The following KLHL29 variants were observed in gnomAD, a reference collection of about 807,000 sequenced individuals.
KLHL29 encodes the protein kelch like family member 29, also known as kelch-like protein 29.
In KLHL29, 21 loss-of-function variants were observed where a neutral mutation model predicts 80.4. That is an observed-to-expected ratio of 0.26 (90% confidence interval 0.19 to 0.38). The LOEUF (loss-of-function observed/expected upper bound fraction) is 0.38. Among genes scored for constraint, KLHL29 ranks in the 10% least tolerant of loss-of-function variants. The probability of loss-of-function intolerance (pLI) is 1.00; values close to 1 mark genes in which losing one functional copy is unlikely to be tolerated. For missense variants in KLHL29, 867 were observed against 1,223.9 expected, an observed-to-expected ratio of 0.71 and a Z score of 4.35; for synonymous variants, 511 against 526.8, an observed-to-expected ratio of 0.97 and a Z score of 0.41.
At chr2:23,621,505 A>G (rs897123138) in intron 3 of KLHL29, among the ~76,000 whole-genome samples, 6 of 150,988 alleles carry the variant, frequency 4.0e-5, no homozygotes, top group Admixed American at 4.0e-4. Flanking sequence ...GGAGGAGAAG[A>G]CAAGGAGGAA....
intron 2 of KLHL29, among the ~76,000 whole-genome samples, chr2:23,543,246 C>G (rs527916890): frequency 1.3e-5 from 2 of 152,254 alleles, no homozygotes; most frequent in African/African-American, 4.8e-5. Context: ...GGCAAGAACT[C>G]ATTACACGGC....
At chr2:23,438,209 G>A (rs1390266601) in intron 1 of KLHL29, among the ~76,000 whole-genome samples, 1 of 150,908 alleles carries the variant, frequency 6.6e-6, no homozygotes, top group South Asian at 2.1e-4. Context: ...GGAGATTTTG[G>A]GCTGAGATGA....
At chr2:23,489,195 G>T (rs1665023689) in intron 2 of KLHL29, among the ~76,000 whole-genome samples, 1 of 152,174 alleles carries the variant, frequency 6.6e-6, no homozygotes, top group African/African-American at 2.4e-5. Flanking sequence ...TGTGACTGTG[G>T]GTCCACTTGG....
intron 3 of KLHL29, among the ~76,000 whole-genome samples, chr2:23,570,181 C>CATCT (rs2103501924): frequency 6.6e-6 from 1 of 152,346 alleles, no homozygotes; most frequent in East Asian, 1.9e-4. Context: ...GTGGGCCAGG[C>CATCT]ATCTGTATGC....
At chr2:23,587,784 T>C (rs1428687429) in intron 3 of KLHL29, among the ~76,000 whole-genome samples, 1 of 152,214 alleles carries the variant, frequency 6.6e-6, no homozygotes, top group African/African-American at 2.4e-5. Context: ...ACATGCCTGC[T>C]AAGCGGTTCC....
At chr2:23,560,318 T>A (rs1441551751) in intron 2 of KLHL29, among the ~76,000 whole-genome samples, 2 of 125,826 alleles carry the variant, frequency 1.6e-5, no homozygotes, top group Non-Finnish European at 3.1e-5. Context: ...GTTGACAGGC[T>A]GGAGTGCAAT....
chr2:23,562,727 T>C lies in KLHL29; in HGVS notation c.285+246T>C, dbSNP rs1261730390. ...GACAAGCAGGTGCTGAGGCCACTCA[T>C]TGTCCTATGCCATGTTGATTAGATG... On this transcript the variant is annotated intron_variant, in intron 3 of 13. Transcript: ENST00000486442. This position sits in a 1 kb window ranked among gnomAD's most constrained non-coding sequence, Gnocchi z 4.5. 6.6e-6 allele frequency among the ~76,000 whole-genome samples: 1 copy of C among 152,206 alleles called. No individual in the cohort carries two copies. Among genetic ancestry groups the C allele is most frequent in the Non-Finnish European group, 1.5e-5 (1 of 68,040 alleles).
At chr2:23,578,322 T>A (rs553076084) in intron 3 of KLHL29, among the ~76,000 whole-genome samples, 1 of 152,344 alleles carries the variant, frequency 6.6e-6, no homozygotes, top group South Asian at 2.1e-4. Context: ...ATTCAAACTG[T>A]CCAAGATTGC....
rs1241722883 is a variant in KLHL29 at position 23,684,735 on chromosome 2, C to T, written c.1079+198C>T. 6.6e-6 allele frequency among the ~76,000 whole-genome samples: 1 copy of T among 152,176 alleles called. No homozygotes were observed. Among genetic ancestry groups the T allele is most frequent in the Non-Finnish European group, 1.5e-5 (1 of 68,040 alleles). ...CTCAGAGCAGCCACTGCGCCCAGCA[C>T]CCGCCCCCACCCACAGCTTTGCTGT... is the stretch of plus-strand genomic sequence containing the variant. On this transcript the variant is annotated intron_variant, in intron 6 of 13. Transcript: ENST00000486442. The surrounding 1 kb of genome is among the most constrained non-coding windows in gnomAD (Gnocchi z 4.4).
intron 1 of KLHL29, among the ~76,000 whole-genome samples, chr2:23,399,211 C>G (rs1666529574): frequency 6.6e-6 from 1 of 152,232 alleles, no homozygotes; most frequent in African/African-American, 2.4e-5. Flanking sequence ...ATCCTAGAAT[C>G]TTTGTGCTGT....
chr2:23,540,077 C>T (rs1666788073), intron 2 of KLHL29, among the ~76,000 whole-genome samples: 1 of 152,182 alleles, frequency 6.6e-6, no homozygotes, highest in Non-Finnish European at 1.5e-5. Flanking sequence ...GTTGTTTCCC[C>T]TGCCCCATGT....
chr2:23,508,637 A>G (rs1431512324), intron 2 of KLHL29, among the ~76,000 whole-genome samples: 1 of 152,244 alleles, frequency 6.6e-6, no homozygotes, highest in Non-Finnish European at 1.5e-5. Flanking sequence ...AGTTTGCCAC[A>G]ATATCTCAGC....
At chr2:23,441,703 G>T (rs1007139450) in intron 1 of KLHL29, among the ~76,000 whole-genome samples, 1 of 152,194 alleles carries the variant, frequency 6.6e-6, no homozygotes, top group Admixed American at 6.5e-5. Context: ...GGAGCTGGCT[G>T]TTGACTGGGA....
At chr2:23,597,282 A>C (rs1376035527) in intron 3 of KLHL29, among the ~76,000 whole-genome samples, 3 of 1,044 alleles carry the variant, frequency 2.9e-3, no homozygotes, top group Admixed American at 0.013. Flanking sequence ...CTCTCAATCT[A>C]TCTCTCTCTC....
intron 5 of KLHL29, chr2:23,667,365 G>C (rs919764162): frequency 7.2e-5 from 11 of 152,164 alleles, no homozygotes; most frequent in African/African-American, 2.7e-4. Flanking sequence ...ACATACTCTT[G>C]AATCAGAAAC....
Position 23,647,592 on chromosome 2 carries a change from T to A in KLHL29, c.940+4742T>A, listed in dbSNP as rs1311528378. Among the ~76,000 whole-genome samples the A allele has an allele frequency of 6.6e-6, 1 of 152,140 alleles. No individual in the cohort carries two copies. The highest frequency in any genetic ancestry group is 2.4e-5 in the African/African-American group (1 of 41,434). On this transcript the variant is annotated intron_variant, in intron 5 of 13. Transcript: ENST00000486442. The surrounding 1 kb of genome is among the most constrained non-coding windows in gnomAD (Gnocchi z 4.9). The stretch of plus-strand genomic sequence containing the variant: ...CCACCGTCACCTCTGGCCTGCACAC[T>A]GGCCTCCCAGCCCACAGTGCATTCC...
intron 2 of KLHL29, among the ~76,000 whole-genome samples, chr2:23,519,239 G>A (rs1666026482): frequency 6.6e-6 from 1 of 152,144 alleles, no homozygotes; most frequent in African/African-American, 2.4e-5. Flanking sequence ...CCACTACCCC[G>A]TCATCCACCC....
At chr2:23,609,523 G>A (rs145602806) in intron 3 of KLHL29, among the ~76,000 whole-genome samples, 16 of 152,064 alleles carry the variant, frequency 1.1e-4, no homozygotes, top group East Asian at 3.9e-4. Context: ...TTCAGAATGC[G>A]CCCCCCTCGG....
intron 1 of KLHL29, among the ~76,000 whole-genome samples, chr2:23,420,933 C>T (rs995090832): frequency 6.6e-6 from 1 of 152,174 alleles, no homozygotes; most frequent in African/African-American, 2.4e-5. Context: ...CTGGCTGCCT[C>T]CTCCTCCTCC....
Sources: allele counts gnomAD v4.1 joint callset (sites outside exome capture counted in the v4.1 genomes callset), GRCh38; gene constraint gnomAD v4.1.1; non-coding constraint Gnocchi (gnomAD v3.1); transcripts MANE v1.5; gene names NCBI Gene and HGNC (gene_info 2026-07-23, HGNC 2026-07-21).